The following TSPAN13 variants were observed in gnomAD, a reference collection of about 807,000 sequenced individuals.
The protein encoded by TSPAN13 is tetraspanin 13, also known as tetraspanin-13.
A neutral mutation model predicts 26.9 loss-of-function variants in TSPAN13; 18 were observed. That is an observed-to-expected ratio of 0.67 (90% CI 0.46 to 0.99). The LOEUF is 0.99. Ranked by LOEUF, TSPAN13 falls within the 50% of genes least tolerant of loss-of-function variation. TSPAN13 has a pLI of 0.00. For synonymous variants in TSPAN13, 116 were observed against 98.4 expected (o/e 1.18, Z -1.06); for missense variants, 201 against 249.6 (o/e 0.81, Z 1.31).
At chr7:16,758,756 T>A (rs1436292396) in intron 1 of TSPAN13, among the ~76,000 whole-genome samples, 1 of 152,040 alleles carries the variant, frequency 6.6e-6, no homozygotes, top group African/African-American at 2.4e-5. Context: ...ATACCCTTTT[T>A]TTTTTTTACA....
chr7:16,761,133 A>G (rs963287310), intron 1 of TSPAN13, among the ~76,000 whole-genome samples: 5 of 152,172 alleles, frequency 3.3e-5, no homozygotes, highest in Admixed American at 1.3e-4. Context: ...CTTACTTTCA[A>G]TCACCTTTAT....
chr7:16,765,142 G>T (rs1245470765), intron 1 of TSPAN13, among the ~76,000 whole-genome samples: 1 of 152,048 alleles, frequency 6.6e-6, no homozygotes, highest in Admixed American at 6.6e-5. Context: ...TTGCTCTGTT[G>T]CCCAGGCTGG....
chr7:16,778,858 C>T (rs949324981), intron 4 of TSPAN13, 145 bp from the exon 5 acceptor site: 1 of 584,974 alleles, frequency 1.7e-6, no homozygotes, highest in Non-Finnish European at 3.0e-6. Context: ...GTCTTGGGGG[C>T]TGTGTTAGAG....
chr7:16,760,689 G>T (rs528811138), intron 1 of TSPAN13, among the ~76,000 whole-genome samples: 9 of 152,166 alleles, frequency 5.9e-5, no homozygotes, highest in African/African-American at 2.2e-4. Context: ...AGGAGATGAG[G>T]AACATTCAGC....
chr7:16,759,699 CTTT>C (rs59571826), intron 1 of TSPAN13, among the ~76,000 whole-genome samples: 91 of 132,422 alleles, frequency 6.9e-4, no homozygotes, highest in Non-Finnish European at 9.3e-4. Context: ...TTCTTTCTTT[CTTT>C]TTTTTTTTTT....
In TSPAN13 at chr7:16,771,802, A is replaced by G. The variant is rs141366709; in HGVS notation, c.64-4409A>G. 6.3e-4 allele frequency among the ~76,000 whole-genome samples: 96 copies of G among 152,360 alleles called. 2 individuals carry two copies. The South Asian group carries it at 9.1e-3, about 14-fold the overall frequency. ...ATAGGAAACCCTCTTTGATGGTTTTAGAGGACTGCCTGGTAGTGGTAATTA... is the reference window on the plus strand; with the variant it reads ...ATAGGAAACCCTCTTTGATGGTTTTGGAGGACTGCCTGGTAGTGGTAATTA... On this transcript the variant is annotated intron_variant, in intron 1 of 5. Transcript: ENST00000262067.
rs1784760037 is a variant in TSPAN13 at position 16,777,111 on chromosome 7, C to G, written c.301C>G (p.Gln101Glu). ...SVSCACLALN[Q>E]EQQGQLLEVG... ...ATCTTGCGCTTGTTTAGCCCTGAAC[C>G]AGGAGCAACAGGTAAGCTAAGACTT... Residue 101 changes from glutamine to glutamate, a missense_variant, in exon 3 of 6, where the codon CAG (glutamine) becomes GAG (glutamate). By Grantham distance (29) the Gln-to-Glu change is conservative. Coordinates refer to ENST00000262067, the MANE Select transcript of TSPAN13 (RefSeq NM_014399.4). 1 of 1,612,554 alleles carries G rather than the reference C, an allele frequency of 6.2e-7. No individual in the cohort carries two copies. Among genetic ancestry groups the G allele is most frequent in the African/African-American group, 1.3e-5 (1 of 74,860 alleles).
intron 1 of TSPAN13, among the ~76,000 whole-genome samples, chr7:16,765,519 A>C (rs1784595621): frequency 6.6e-6 from 1 of 151,926 alleles, no homozygotes; most frequent in Non-Finnish European, 1.5e-5. Context: ...CTTGGCGTTT[A>C]CTCGGGGGAG....
chr7:16,753,807 C>T lies in TSPAN13; in HGVS notation c.-161C>T. ...CCAAAGCGGGTCCGAGCCGCCGCCG[C>T]GCGCGCGCCGCGCACTGCAGCCCCA... On this transcript the variant is annotated 5_prime_UTR_variant, in exon 1 of 6. Coordinates refer to ENST00000262067, the MANE Select transcript of TSPAN13 (RefSeq NM_014399.4). 4.8e-6 allele frequency: 3 copies of T among 626,308 alleles called. No individual in the cohort carries two copies. Among genetic ancestry groups the T allele is most frequent in the East Asian group, 3.5e-5 (1 of 28,574 alleles). The allele number at this position is 626,308 out of a possible 1,614,324, so 38.8% of individuals were successfully genotyped here.
chr7:16,767,291 T>C (rs1394233257), intron 1 of TSPAN13, among the ~76,000 whole-genome samples: 2 of 152,222 alleles, frequency 1.3e-5, no homozygotes, highest in South Asian at 2.1e-4. Context: ...ACATATAGTA[T>C]TGTTTTTTGT....
At chr7:16,755,939 A>G (rs818805) in intron 1 of TSPAN13, among the ~76,000 whole-genome samples, 19,563 of 152,198 alleles carry the variant, frequency 0.13, 2,686 homozygotes, top group African/African-American at 0.35. Context: ...ATAGCTATGC[A>G]GTAAAACTTA....
At chr7:16,769,825 C>T (rs1319544080) in intron 1 of TSPAN13, among the ~76,000 whole-genome samples, 1 of 152,150 alleles carries the variant, frequency 6.6e-6, no homozygotes, top group Non-Finnish European at 1.5e-5. Context: ...CACACCCTGT[C>T]TTATTCCTGA....
intron 1 of TSPAN13, among the ~76,000 whole-genome samples, chr7:16,763,109 G>A (rs919663874): frequency 1.3e-5 from 2 of 152,120 alleles, no homozygotes; most frequent in Non-Finnish European, 1.5e-5. Context: ...ATTTAGTAAC[G>A]CTAAGGAGGA....
At chr7:16,773,630 C>T (rs920812931) in intron 1 of TSPAN13, among the ~76,000 whole-genome samples, 13 of 151,986 alleles carry the variant, frequency 8.6e-5, no homozygotes, top group Admixed American at 2.0e-4. Context: ...AAGTACTTGT[C>T]GGTGAATAAT....
Position 16,783,282 on chromosome 7 carries a change from A to G in TSPAN13, c.541-135A>G, listed in dbSNP as rs1215863040. The G allele has an allele frequency of 3.5e-6, 3 of 852,286 alleles. No individual in the cohort carries two copies. In the African/African-American group the frequency reaches 5.2e-5, roughly 15 times the overall value. The allele number at this position is 852,286 out of a possible 1,614,324, so 52.8% of individuals were successfully genotyped here. A position where few individuals can be genotyped will look rare whatever the true frequency, so the allele number is the denominator to read the frequency against. Reference sequence around the variant, plus strand: ...TTTGGTTTACTTCATTTCAAAAAGAAAAAAAATCTCTCCCCGTTGAACAAA... The same window carrying G: ...TTTGGTTTACTTCATTTCAAAAAGAGAAAAAATCTCTCCCCGTTGAACAAA... On this transcript the variant is annotated intron_variant, in intron 5 of 5. Coordinates refer to ENST00000262067, the MANE Select transcript of TSPAN13 (RefSeq NM_014399.4).
At chr7:16,754,085 G>A (rs1306534250) in intron 1 of TSPAN13, 55 bp downstream of exon 1, 1 of 1,566,658 alleles carries the variant, frequency 6.4e-7, no homozygotes, top group Non-Finnish European at 8.7e-7. Flanking sequence ...CTGCTTGGGA[G>A]CTCTTTGGCT....
At chr7:16,764,355 T>G (rs1442962567) in intron 1 of TSPAN13, among the ~76,000 whole-genome samples, 1 of 152,132 alleles carries the variant, frequency 6.6e-6, no homozygotes, top group Non-Finnish European at 1.5e-5. Context: ...CATTATTGTA[T>G]GTATCAATCT....
chr7:16,776,451 C>A, intron 2 of TSPAN13, 73 bp downstream of exon 2: 1 of 1,446,470 alleles, frequency 6.9e-7, no homozygotes, highest in South Asian at 1.4e-5. Context: ...AATATTATCA[C>A]TAGGAAATTT....
intron 1 of TSPAN13, among the ~76,000 whole-genome samples, chr7:16,762,015 G>A (rs1784547249): frequency 6.6e-6 from 1 of 151,972 alleles, no homozygotes; most frequent in Non-Finnish European, 1.5e-5. Context: ...TTTTTGAAAT[G>A]TTTTAAATTC....
Sources: gnomAD v4.1 joint callset for allele counts (sites outside exome capture counted in the v4.1 genomes callset) on GRCh38, gnomAD v4.1.1 for gene constraint, MANE v1.5 for transcripts, NCBI Gene and HGNC (gene_info 2026-07-23, HGNC 2026-07-21) for gene names.